The following LMBRD1 variants were observed in gnomAD, a reference collection of about 807,000 sequenced individuals.
LMBRD1 encodes lysosomal cobalamin transport escort protein LMBD1.
LMBRD1 carries 64 observed loss-of-function variants against 74.8 expected under a neutral mutation model. That is an observed-to-expected ratio of 0.86 (90% CI 0.70 to 1.05). The LOEUF is 1.05. LMBRD1 is among the 50% of genes least tolerant of loss of function. The probability of loss-of-function intolerance (pLI) is 0.00; values close to 1 mark genes in which losing one functional copy is unlikely to be tolerated. For missense variants in LMBRD1, 652 were observed against 645.9 expected, an observed-to-expected ratio of 1.01 and a Z score of -0.10; for synonymous variants, 204 against 216.3, an observed-to-expected ratio of 0.94 and a Z score of 0.50.
intron 3 of LMBRD1, among the ~76,000 whole-genome samples, chr6:69,757,438 A>G (rs978157446): frequency 2.0e-5 from 3 of 152,238 alleles, no homozygotes; most frequent in African/African-American, 7.2e-5. Context: ...TCAATGATTC[A>G]AAATAGGTTT....
chr6:69,746,457 T>A, intron 5 of LMBRD1: 1 of 158,486 alleles, frequency 6.3e-6, no homozygotes, highest in Non-Finnish European at 1.4e-5. Context: ...TGTGGGGCTC[T>A]CTAGAACATC....
At position 69,780,485 on chromosome 6, in the gene LMBRD1, G is replaced by C; in HGVS notation, c.307+9C>G. Reference sequence around the variant, plus strand: ...GTCCAAATAGGGAAAGAAACTGAAAGATACTTACTATAGTAACCGTATAAT... The same window carrying C: ...GTCCAAATAGGGAAAGAAACTGAAACATACTTACTATAGTAACCGTATAAT... On this transcript the variant is annotated intron_variant, in intron 3 of 15. Transcript: ENST00000649934. 1 of 1,597,590 alleles carries C rather than the reference G, an allele frequency of 6.3e-7. No individual in the cohort carries two copies. Among genetic ancestry groups the C allele is most frequent in the Non-Finnish European group, 8.6e-7 (1 of 1,165,046 alleles).
At chr6:69,769,150 T>C (rs1411176752) in intron 3 of LMBRD1, among the ~76,000 whole-genome samples, 1 of 152,092 alleles carries the variant, frequency 6.6e-6, no homozygotes, top group South Asian at 2.1e-4. Context: ...CATACATAGG[T>C]AAACTTGATG....
intron 14 of LMBRD1, among the ~76,000 whole-genome samples, chr6:69,685,665 G>A (rs1765748300): frequency 6.6e-6 from 1 of 152,110 alleles, no homozygotes; most frequent in African/African-American, 2.4e-5. Context: ...GTTGGGCATG[G>A]TGGCACGTGC....
chr6:69,718,309 G>A (rs1766536340), intron 8 of LMBRD1, among the ~76,000 whole-genome samples: 1 of 152,006 alleles, frequency 6.6e-6, no homozygotes, highest in African/African-American at 2.4e-5. Context: ...TATAAACGAC[G>A]ATACCTGAGA....
chr6:69,796,023 A>T (rs1561924525), intron 1 of LMBRD1, among the ~76,000 whole-genome samples: 2 of 152,260 alleles, frequency 1.3e-5, no homozygotes, highest in African/African-American at 2.4e-5. Flanking sequence ...AAAGGAAATA[A>T]ATTGAACTCC....
Position 69,692,520 on chromosome 6 carries a change from A to C in LMBRD1, c.1417+5043T>G, listed in dbSNP as rs549130333. Reference sequence around the variant, plus strand: ...ATTTGGAAACATATTATCTTGCTTCACCCCTAACTGTAGTCTCCAAATATT... The same window carrying C: ...ATTTGGAAACATATTATCTTGCTTCCCCCCTAACTGTAGTCTCCAAATATT... On this transcript the variant is annotated intron_variant, in intron 14 of 15. Coordinates refer to ENST00000649934, the MANE Select transcript of LMBRD1 (RefSeq NM_018368.4). Among the ~76,000 whole-genome samples the C allele has an allele frequency of 2.5e-3, 382 of 152,238 alleles. 3 individuals carry two copies. The highest frequency in any genetic ancestry group is 0.017 in the Middle Eastern group (5 of 294).
chr6:69,687,858 T>A (rs1315981194), intron 14 of LMBRD1, among the ~76,000 whole-genome samples: 1 of 152,134 alleles, frequency 6.6e-6, no homozygotes, highest in Admixed American at 6.5e-5. Flanking sequence ...CGTAGTTTTT[T>A]TTAAAGGTCT....
intron 14 of LMBRD1, among the ~76,000 whole-genome samples, chr6:69,695,306 T>A (rs996827505): frequency 6.6e-6 from 1 of 152,130 alleles, no homozygotes; most frequent in Non-Finnish European, 1.5e-5. Flanking sequence ...AATTTTTATC[T>A]CTAACATTAA....
intron 14 of LMBRD1, among the ~76,000 whole-genome samples, chr6:69,679,256 A>G (rs1193725245): frequency 6.6e-6 from 1 of 152,134 alleles, no homozygotes; most frequent in Non-Finnish European, 1.5e-5. Flanking sequence ...TTTAAGCAGC[A>G]TTAGCTGGAC....
chr6:69,745,965 C>T, intron 5 of LMBRD1: 1 of 236,340 alleles, frequency 4.2e-6, no homozygotes, highest in Non-Finnish European at 8.5e-6. Flanking sequence ...ATATTGTTGC[C>T]ATCACTGACC....
chr6:69,760,141 CTATG>C (rs1229078911), intron 3 of LMBRD1, among the ~76,000 whole-genome samples: 2 of 152,128 alleles, frequency 1.3e-5, no homozygotes, highest in Non-Finnish European at 2.9e-5. Flanking sequence ...CGTTTGACTC[CTATG>C]TATGTACTCT....
At chr6:69,772,861 T>G (rs1161640149) in intron 3 of LMBRD1, among the ~76,000 whole-genome samples, 1 of 152,216 alleles carries the variant, frequency 6.6e-6, no homozygotes, top group South Asian at 2.1e-4. Flanking sequence ...AATATTAACT[T>G]TCCTATATCA....
chr6:69,720,436 C>A (rs556219279), intron 7 of LMBRD1, among the ~76,000 whole-genome samples: 4 of 152,126 alleles, frequency 2.6e-5, no homozygotes, highest in African/African-American at 9.7e-5. Flanking sequence ...GAAGAAGATT[C>A]TGTTACTATT....
chr6:69,762,430 G>GTCT (rs1301766413), intron 3 of LMBRD1, among the ~76,000 whole-genome samples: 1 of 150,898 alleles, frequency 6.6e-6, no homozygotes, highest in Non-Finnish European at 1.5e-5. Context: ...GGACAACACA[G>GTCT]TAGAGACCCT....
rs201894994 is a variant in LMBRD1 at position 69,730,043 on chromosome 6, G to GA, written c.636+7898dup. On this transcript the variant is annotated intron_variant, in intron 7 of 15. Coordinates refer to ENST00000649934, the MANE Select transcript of LMBRD1 (RefSeq NM_018368.4). ...ACTACTGCCCTCTAGTGAATTTCCAGAAAAAAAAATCAGAAAACTAAAGAG... is the reference window on the plus strand; with the variant it reads ...ACTACTGCCCTCTAGTGAATTTCCAGAAAAAAAAAATCAGAAAACTAAAGAG... 2.8e-3 allele frequency among the ~76,000 whole-genome samples: 423 copies of GA among 148,506 alleles called. 6 individuals carry two copies. Among genetic ancestry groups the GA allele is most frequent in the African/African-American group, 7.6e-3 (308 of 40,582 alleles).
chr6:69,774,931 C>G (rs1455413019), intron 3 of LMBRD1, among the ~76,000 whole-genome samples: 2 of 129,410 alleles, frequency 1.5e-5, no homozygotes, highest in African/African-American at 5.8e-5. Context: ...CGCACTCCTG[C>G]CCAAAATACA....
intron 14 of LMBRD1, among the ~76,000 whole-genome samples, chr6:69,695,104 C>T (rs955754226): frequency 3.3e-5 from 5 of 152,076 alleles, no homozygotes; most frequent in Non-Finnish European, 5.9e-5. Flanking sequence ...CTCATTCTAT[C>T]TAAAGCATTC....
chr6:69,745,290 C>T (rs1225540878), intron 5 of LMBRD1, among the ~76,000 whole-genome samples: 6 of 141,428 alleles, frequency 4.2e-5, no homozygotes, highest in Non-Finnish European at 7.6e-5. Flanking sequence ...CTCGCTCTGT[C>T]GCCCAGGTCG....
Sources: gnomAD v4.1 joint callset for allele counts (sites outside exome capture counted in the v4.1 genomes callset) on GRCh38, gnomAD v4.1.1 for gene constraint, MANE v1.5 for transcripts, NCBI Gene and HGNC (gene_info 2026-07-23, HGNC 2026-07-21) for gene names.